SWT1: variants seen among roughly 807,000 people sequenced by gnomAD.
SWT1 encodes the protein SWT1 RNA endoribonuclease homolog.
In SWT1, 33 loss-of-function variants were observed where a neutral mutation model predicts 107.3. The ratio of observed to expected loss-of-function variants is 0.31; its 90% CI spans 0.23 to 0.41. The LOEUF is 0.41. Among genes scored for constraint, SWT1 ranks in the 10% least tolerant of loss-of-function variants. The pLI, the probability that SWT1 is intolerant of heterozygous loss-of-function variation, is 1.00. For synonymous variants in SWT1, 345 were observed against 348.3 expected, an observed-to-expected ratio of 0.99 and a Z score of 0.11; for missense variants, 898 against 1,028.9, an observed-to-expected ratio of 0.87 and a Z score of 1.74.
chr1:185,278,015 G>A (rs189032298), intron 18 of SWT1, among the ~76,000 whole-genome samples: 2 of 151,324 alleles, frequency 1.3e-5, no homozygotes, highest in Admixed American at 1.3e-4. Flanking sequence ...TTTGAGGCAG[G>A]GTCTCACTAT....
intron 16 of SWT1, among the ~76,000 whole-genome samples, chr1:185,249,198 C>T (rs1661831602): frequency 1.3e-5 from 2 of 152,190 alleles, no homozygotes; most frequent in Non-Finnish European, 2.9e-5. Context: ...TTGTCGCAGG[C>T]TGCAGGCTGG....
At chr1:185,239,185 C>A (rs1340212629) in intron 16 of SWT1, among the ~76,000 whole-genome samples, 1 of 151,874 alleles carries the variant, frequency 6.6e-6, no homozygotes, top group Non-Finnish European at 1.5e-5. Context: ...TAGATTTATC[C>A]CCTTGTAGCT....
chr1:185,194,129 A>G (rs1244763185), intron 10 of SWT1, among the ~76,000 whole-genome samples: 1 of 151,930 alleles, frequency 6.6e-6, no homozygotes, highest in Non-Finnish European at 1.5e-5. Context: ...CTTGGTATTT[A>G]TGTGGTGTAT....
chr1:185,159,272 A>G (rs981675732), intron 1 of SWT1, among the ~76,000 whole-genome samples: 1 of 152,270 alleles, frequency 6.6e-6, no homozygotes, highest in Non-Finnish European at 1.5e-5. Context: ...AAGACTGGCC[A>G]GCACATGAAG....
At chr1:185,264,454 A>G (rs1308762611) in intron 16 of SWT1, 3 of 984,204 alleles carry the variant, frequency 3.0e-6, no homozygotes, top group East Asian at 2.3e-4. Flanking sequence ...GCTATGTGAT[A>G]ATTTGTGGTG....
At chr1:185,221,725 A>G in intron 14 of SWT1, 124 bp from the exon 15 acceptor site, 2 of 617,650 alleles carry the variant, frequency 3.2e-6, no homozygotes, top group Non-Finnish European at 5.4e-6. Context: ...TGTACATAAT[A>G]AAAGAAAAAG....
intron 9 of SWT1, among the ~76,000 whole-genome samples, chr1:185,185,925 T>C (rs1656429770): frequency 6.6e-6 from 1 of 152,210 alleles, no homozygotes; most frequent in Non-Finnish European, 1.5e-5. Flanking sequence ...TAGTTGACTA[T>C]AATTTTAGCC....
intron 10 of SWT1, among the ~76,000 whole-genome samples, chr1:185,201,622 A>G (rs1024817531): frequency 6.6e-6 from 1 of 152,100 alleles, no homozygotes; most frequent in African/African-American, 2.4e-5. Flanking sequence ...CGGGTACCTC[A>G]GTTGGAAATG....
intron 16 of SWT1, among the ~76,000 whole-genome samples, chr1:185,245,671 C>T (rs1483581256): frequency 6.6e-6 from 1 of 152,160 alleles, no homozygotes; most frequent in African/African-American, 2.4e-5. Context: ...TCACCACAAC[C>T]ACATGAGTAA....
chr1:185,197,970 C>T (rs765126085), intron 10 of SWT1, among the ~76,000 whole-genome samples: 4 of 152,024 alleles, frequency 2.6e-5, no homozygotes, highest in Non-Finnish European at 5.9e-5. Context: ...TATTTCTTTT[C>T]TTCTGCTAGC....
intron 18 of SWT1, among the ~76,000 whole-genome samples, chr1:185,284,377 C>A (rs1664823753): frequency 6.6e-6 from 1 of 152,162 alleles, no homozygotes; most frequent in South Asian, 2.1e-4. Flanking sequence ...ATGTTTGAGC[C>A]CACTATAGAC....
At chr1:185,179,100 G>A (rs1474925866) in intron 5 of SWT1, among the ~76,000 whole-genome samples, 1 of 152,006 alleles carries the variant, frequency 6.6e-6, no homozygotes, top group African/African-American at 2.4e-5. Context: ...GTGAAGCCCT[G>A]TCTCTACTAA....
chr1:185,276,517 T>G (rs1664249805), intron 17 of SWT1, 87 bp from the exon 18 acceptor site: 1 of 658,354 alleles, frequency 1.5e-6, no homozygotes, highest in Non-Finnish European at 2.5e-6. Flanking sequence ...ATTTGAACTT[T>G]CCTCTCAGAA....
chr1:185,201,706 C>T lies in SWT1; in HGVS notation c.1524-948C>T, dbSNP rs140881363. ...GAGCTGTTCCTATTCTGCCATCTTG[C>T]CAGCTGCCAACCTAGAGCACTCTCT... On this transcript the variant is annotated intron_variant, in intron 10 of 18. Coordinates refer to ENST00000367500, the MANE Select transcript of SWT1 (RefSeq NM_017673.7). 2.6e-5 allele frequency among the ~76,000 whole-genome samples: 4 copies of T among 152,252 alleles called. No homozygotes were observed. In the East Asian group the frequency reaches 7.7e-4, roughly 29 times the overall value.
At chr1:185,166,813 C>G (rs536529207) in intron 3 of SWT1, among the ~76,000 whole-genome samples, 161 bp downstream of exon 3, 2 of 152,232 alleles carry the variant, frequency 1.3e-5, no homozygotes, top group South Asian at 4.1e-4. Context: ...TTTATTATTT[C>G]TTGTACTGTT....
chr1:185,204,889 A>G (rs765770174), intron 12 of SWT1, 26 bp downstream of exon 12: 6 of 1,447,148 alleles, frequency 4.1e-6, no homozygotes, highest in Middle Eastern at 1.8e-4. Context: ...CTATTAGTTG[A>G]AAATTTCTTT....
chr1:185,291,342 A>G lies in SWT1; in HGVS notation c.*539A>G, dbSNP rs2102802861. 1 of 152,778 alleles carries G rather than the reference A, an allele frequency of 6.5e-6. No individual in the cohort carries two copies. Among genetic ancestry groups the G allele is most frequent in the South Asian group, 2.1e-4 (1 of 4,824 alleles). The allele number at this position is 152,778 out of a possible 1,614,324, so 9.5% of individuals were successfully genotyped here. On this transcript the variant is annotated 3_prime_UTR_variant, in exon 19 of 19. Coordinates refer to ENST00000367500, the MANE Select transcript of SWT1 (RefSeq NM_017673.7). ...TCCTTCACCTCCCTCAGGGTAATGA[A>G]AGTAGAAATTTGACTGAAGCTCCTA...
Position 185,275,643 on chromosome 1 carries a change from C to A in SWT1, c.2509-961C>A, listed in dbSNP as rs562385795. On this transcript the variant is annotated intron_variant, in intron 17 of 18. Coordinates refer to ENST00000367500, the MANE Select transcript of SWT1 (RefSeq NM_017673.7). ...CAAATAATCCTCCCACCTTGACCTT[C>A]CAAAGTGCTGGGATTACAGGCATGA... 3.3e-4 allele frequency among the ~76,000 whole-genome samples: 50 copies of A among 151,756 alleles called. 3 individuals carry two copies. In the South Asian group the frequency reaches 7.3e-3, roughly 22 times the overall value.
intron 1 of SWT1, among the ~76,000 whole-genome samples, chr1:185,159,499 G>C (rs1026799699): frequency 1.3e-5 from 2 of 152,168 alleles, no homozygotes; most frequent in African/African-American, 4.8e-5. Flanking sequence ...GAGTGAATTG[G>C]AAGTGGTTCA....
Sources: gnomAD v4.1 joint callset for allele counts (sites outside exome capture counted in the v4.1 genomes callset) on GRCh38, gnomAD v4.1.1 for gene constraint, MANE v1.5 for transcripts, NCBI Gene and HGNC (gene_info 2026-07-23, HGNC 2026-07-21) for gene names.